Variants in TYW1B observed in about 807,000 individuals in gnomAD.
TYW1B encodes the protein tRNA-yW synthesizing protein 1 homolog B, also known as S-adenosyl-L-methionine-dependent tRNA 4-demethylwyosine synthase TYW1B.
In TYW1B, 73 loss-of-function variants were observed where a neutral mutation model predicts 86.9. That is an observed-to-expected ratio of 0.84 (90% confidence interval 0.70 to 1.02). The LOEUF (loss-of-function observed/expected upper bound fraction) is 1.02, where lower values mean the gene tolerates loss of function less well. TYW1B is among the 50% of genes least tolerant of loss of function. The probability of loss-of-function intolerance (pLI) is 0.00; values close to 1 mark genes in which losing one functional copy is unlikely to be tolerated. For synonymous variants in TYW1B, 248 were observed against 292.8 expected (o/e 0.85, Z 1.56); for missense variants, 637 against 827.4 (o/e 0.77, Z 2.82).
intron 11 of TYW1B, among the ~76,000 whole-genome samples, chr7:72,630,247 G>A (rs1370596110): frequency 6.6e-6 from 1 of 152,058 alleles, no homozygotes; most frequent in African/African-American, 2.4e-5. Context: ...CCACTGCACT[G>A]AGACAGAGCA....
rs552546830 is a variant in TYW1B, at chr7:72,769,000, T to C, written c.964+8416A>G. 3.7e-5 allele frequency: 12 copies of C among 324,898 alleles called. No individual in the cohort carries two copies. In the East Asian group the frequency reaches 9.0e-4, roughly 24 times the overall value. The allele number at this position is 324,898 out of a possible 1,614,324, so 20.1% of individuals were successfully genotyped here. A position where few individuals can be genotyped will look rare whatever the true frequency, so the allele number is the denominator to read the frequency against. On this transcript the variant is annotated intron_variant, in intron 7 of 13. Transcript: ENST00000620995. ...CTTCTCTACCTTACTATTATTTTCC[T>C]ACACATTTATAAGAGAAAGAACGTA...
intron 10 of TYW1B, among the ~76,000 whole-genome samples, chr7:72,697,235 C>T (rs1554451658): frequency 2.6e-5 from 4 of 152,040 alleles, no homozygotes; most frequent in Non-Finnish European, 5.9e-5. Context: ...AAACCTCTAT[C>T]ATTTACAAAA....
intron 11 of TYW1B, among the ~76,000 whole-genome samples, chr7:72,681,354 C>A (rs34981229): frequency 6.6e-6 from 1 of 151,758 alleles, no homozygotes; most frequent in African/African-American, 2.4e-5. Flanking sequence ...CCTAGGGGAC[C>A]TTACAATTCA....
At chr7:72,760,332 T>C (rs880003005) in intron 7 of TYW1B, among the ~76,000 whole-genome samples, 2 of 152,220 alleles carry the variant, frequency 1.3e-5, no homozygotes, top group East Asian at 3.8e-4. Context: ...ACCCAAAATT[T>C]TGGCCCATGG....
intron 2 of TYW1B, among the ~76,000 whole-genome samples, chr7:72,820,006 G>A (rs1215513867): frequency 1.3e-5 from 2 of 152,130 alleles, no homozygotes; most frequent in African/African-American, 4.8e-5. Flanking sequence ...AGGGCATGGT[G>A]GCTCACATCT....
chr7:72,687,062 CAT>C (rs1226372063), intron 11 of TYW1B, among the ~76,000 whole-genome samples: 1 of 152,144 alleles, frequency 6.6e-6, no homozygotes, highest in African/African-American at 2.4e-5. Context: ...AAGCACTAAA[CAT>C]ATGCTTTTTT....
intron 12 of TYW1B, among the ~76,000 whole-genome samples, chr7:72,624,828 C>G (rs1322898566): frequency 2.0e-5 from 3 of 152,016 alleles, no homozygotes; most frequent in Non-Finnish European, 2.9e-5. Context: ...GAGGCCAAGG[C>G]GGGTGGATCA....
intron 8 of TYW1B, among the ~76,000 whole-genome samples, chr7:72,732,934 A>C (rs1554460198): frequency 6.6e-6 from 1 of 152,126 alleles, no homozygotes; most frequent in African/African-American, 2.4e-5. Flanking sequence ...TACCACAGAA[A>C]TACAAAGAAT....
At position 72,728,754 on chromosome 7, in the gene TYW1B, T is replaced by A. The variant is rs1787051190; in HGVS notation, c.1192+68A>T. On this transcript the variant is annotated intron_variant, in intron 9 of 13. Coordinates refer to ENST00000620995, the MANE Select transcript of TYW1B (RefSeq NM_001145440.3). The stretch of plus-strand genomic sequence containing the variant: ...GGACAAAATCCTACCAAAGAGGCAA[T>A]TCTTCTGCCAATCTGATTCAGACTA... The A allele has an allele frequency of 3.4e-6, 5 of 1,472,190 alleles. No homozygotes were observed. In the African/African-American group the frequency reaches 5.6e-5, roughly 16 times the overall value. The allele number at this position is 1,472,190 out of a possible 1,614,324, so 91.2% of individuals were successfully genotyped here. A position where few individuals can be genotyped will look rare whatever the true frequency, so the allele number is the denominator to read the frequency against.
intron 1 of TYW1B, among the ~76,000 whole-genome samples, chr7:72,827,360 A>G (rs1241914439): frequency 6.6e-6 from 1 of 152,130 alleles, no homozygotes; most frequent in African/African-American, 2.4e-5. Flanking sequence ...GTGAGCCAAG[A>G]TTGCGCCACC....
In TYW1B at chr7:72,574,766, T is replaced by G; in HGVS notation, c.*732A>C. The stretch of plus-strand genomic sequence containing the variant: ...AGAAATGATCCTCTTCAGTCCAAAG[T>G]GTGTTTGTGAGACTAATGACTCCAT... On this transcript the variant is annotated 3_prime_UTR_variant, in exon 14 of 14. Transcript: ENST00000620995. 1 of 985,334 alleles carries G rather than the reference T, an allele frequency of 1.0e-6. No individual in the cohort carries two copies. The highest frequency in any genetic ancestry group is 1.2e-6 in the Non-Finnish European group (1 of 829,922). The allele number at this position is 985,334 out of a possible 1,614,324, so 61.0% of individuals were successfully genotyped here.
chr7:72,786,911 A>G (rs1788139603), intron 6 of TYW1B, among the ~76,000 whole-genome samples: 1 of 151,996 alleles, frequency 6.6e-6, no homozygotes, highest in Non-Finnish European at 1.5e-5. Context: ...CCTGGTAGAA[A>G]ATACAAAAAT....
At chr7:72,731,703 G>T (rs1473235615) in intron 8 of TYW1B, among the ~76,000 whole-genome samples, 1 of 152,150 alleles carries the variant, frequency 6.6e-6, no homozygotes, top group African/African-American at 2.4e-5. Context: ...CAGCACTTTG[G>T]GAGGCTGAGG....
intron 10 of TYW1B, among the ~76,000 whole-genome samples, chr7:72,705,412 C>T (rs142410163): frequency 2.6e-5 from 4 of 152,002 alleles, no homozygotes; most frequent in South Asian, 2.1e-4. Context: ...AAAAGGTGTT[C>T]GAAAGTAAAT....
intron 6 of TYW1B, among the ~76,000 whole-genome samples, chr7:72,790,988 A>G (rs1226258232): frequency 7.9e-5 from 12 of 152,184 alleles, no homozygotes; most frequent in Admixed American, 1.3e-4. Context: ...GAATCTTGGC[A>G]TACCTGGGGC....
chr7:72,609,999 C>T (rs1368815875), intron 13 of TYW1B, among the ~76,000 whole-genome samples: 4 of 152,108 alleles, frequency 2.6e-5, no homozygotes, highest in Non-Finnish European at 5.9e-5. Flanking sequence ...TAAAGAGGAG[C>T]GCAGTGACAC....
At chr7:72,647,862 A>C (rs1453214433) in intron 11 of TYW1B, among the ~76,000 whole-genome samples, 1 of 151,640 alleles carries the variant, frequency 6.6e-6, no homozygotes, top group Non-Finnish European at 1.5e-5. Flanking sequence ...TTTTTTTTGT[A>C]TTTTTTAGTA....
intron 11 of TYW1B, among the ~76,000 whole-genome samples, chr7:72,652,625 G>C (rs141017331): frequency 6.6e-6 from 1 of 151,384 alleles, no homozygotes. Flanking sequence ...ATACTGGTGA[G>C]TTGAACTTAC....
intron 13 of TYW1B, among the ~76,000 whole-genome samples, chr7:72,611,046 G>C (rs1342085145): frequency 1.3e-5 from 2 of 152,088 alleles, no homozygotes; most frequent in Non-Finnish European, 2.9e-5. Flanking sequence ...ACTACTTGTG[G>C]TTCTCAATGT....
Sources: allele counts gnomAD v4.1 joint callset (sites outside exome capture counted in the v4.1 genomes callset), GRCh38; gene constraint gnomAD v4.1.1; transcripts MANE v1.5; gene names NCBI Gene and HGNC (gene_info 2026-07-23, HGNC 2026-07-21).